ATP2C2: variants seen among roughly 807,000 people sequenced by gnomAD.
ATP2C2 encodes the protein calcium-transporting ATPase type 2C member 2.
A neutral mutation model predicts 110.8 loss-of-function variants in ATP2C2; 171 were observed. That is an observed-to-expected ratio of 1.54 (90% CI 1.36 to 1.75). ATP2C2 has a LOEUF of 1.75. Ranked by LOEUF, ATP2C2 falls within the 40% of genes most tolerant of loss-of-function variation. The pLI is 0.00. For missense variants in ATP2C2, 1,963 were observed against 1,235.0 expected (o/e 1.59, Z -8.84); for synonymous variants, 804 against 508.4 (o/e 1.58, Z -7.82).
At chr16:84,377,984 A>G (rs1910347659) in intron 1 of ATP2C2, among the ~76,000 whole-genome samples, 1 of 152,048 alleles carries the variant, frequency 6.6e-6, no homozygotes, top group African/African-American at 2.4e-5. Context: ...CCTATTGGAG[A>G]GAAGAGAGCT....
chr16:84,404,349 C>G (rs951832477), intron 2 of ATP2C2: 1 of 155,602 alleles, frequency 6.4e-6, no homozygotes, highest in Non-Finnish European at 1.4e-5. Context: ...TCCCCATTCC[C>G]TCTCCCTCCA....
chr16:84,372,211 T>C (rs1909993523), intron 1 of ATP2C2, among the ~76,000 whole-genome samples: 1 of 152,146 alleles, frequency 6.6e-6, no homozygotes, highest in African/African-American at 2.4e-5. Flanking sequence ...CACTCATTTA[T>C]TCCCAGATGG....
Position 84,448,576 on chromosome 16 carries a change from T to G in ATP2C2, c.1547T>G (p.Val516Gly). Residue 516 changes from valine (V) to glycine (G), a missense_variant, in exon 17 of 27, where the codon GTG (valine) becomes GGG (glycine). Transcript: ENST00000262429. ...IYFMKGALEE[V>G]IRYCTMYNNG... ...TTCATGAAAGGGGCCTTGGAAGAGG[T>G]GATCCGCTACTGCACCATGTACAAC... The G allele has an allele frequency of 6.2e-7, 1 of 1,613,648 alleles. No homozygotes were observed.
intron 11 of ATP2C2, among the ~76,000 whole-genome samples, chr16:84,426,450 C>G (rs765645020): frequency 1.1e-4 from 17 of 152,128 alleles, no homozygotes; most frequent in Non-Finnish European, 2.2e-4. Context: ...TTTCTTGTCA[C>G]TCTTTGCCTG....
At position 84,439,445 on chromosome 16, in the gene ATP2C2, G is replaced by C; in HGVS notation, c.1130G>C (p.Cys377Ser). The C allele has an allele frequency of 6.2e-7, 1 of 1,614,166 alleles. No individual in the cohort carries two copies. Among genetic ancestry groups the C allele is most frequent in the Non-Finnish European group, 8.5e-7 (1 of 1,180,028 alleles). The change falls in exon 13 of 27, where the codon TGT becomes TCT. Residue 377 changes from cysteine (C) to serine (S), a missense_variant. By Grantham distance (112) the Cys-to-Ser change is moderately radical. Transcript: ENST00000262429. ...VETLGCCSVL[C>S]SDKTGTLTAN... ...GTACCAGGTTGCTGCAGCGTTCTCTGTTCTGACAAGACGGGGACTCTGACT... is the reference window on the plus strand; with the variant it reads ...GTACCAGGTTGCTGCAGCGTTCTCTCTTCTGACAAGACGGGGACTCTGACT...
chr16:84,434,608 C>T (rs896093098), intron 11 of ATP2C2, among the ~76,000 whole-genome samples: 7 of 151,554 alleles, frequency 4.6e-5, no homozygotes, highest in African/African-American at 1.7e-4. Context: ...AGCTCCGCCT[C>T]CTGGGTTCAA....
chr16:84,459,233 G>A, intron 22 of ATP2C2, 37 bp from the exon 23 acceptor site: 1 of 1,614,144 alleles, frequency 6.2e-7, no homozygotes, highest in Non-Finnish European at 8.5e-7. Context: ...CACCACGCCT[G>A]GCGGGCGGCC....
At chr16:84,375,303 A>G (rs1336045122) in intron 1 of ATP2C2, among the ~76,000 whole-genome samples, 1 of 152,194 alleles carries the variant, frequency 6.6e-6, no homozygotes, top group Non-Finnish European at 1.5e-5. Context: ...GCACTTTGGG[A>G]GTCCCAGGTG....
At chr16:84,429,519 T>A (rs1413503664) in intron 11 of ATP2C2, among the ~76,000 whole-genome samples, 2 of 152,212 alleles carry the variant, frequency 1.3e-5, no homozygotes, top group African/African-American at 4.8e-5. Flanking sequence ...CTGCGTGATC[T>A]GTTCGTATCA....
chr16:84,398,434 T>A, intron 1 of ATP2C2, 65 bp from the exon 2 acceptor site: 1 of 985,226 alleles, frequency 1.0e-6, no homozygotes, highest in Non-Finnish European at 1.4e-6. Context: ...AAATAAAAAA[T>A]AAATTTAAAA....
At chr16:84,451,067 C>G (rs1344009934) in intron 17 of ATP2C2, among the ~76,000 whole-genome samples, 1 of 151,990 alleles carries the variant, frequency 6.6e-6, no homozygotes, top group Non-Finnish European at 1.5e-5. Flanking sequence ...AGGTAATTTA[C>G]AAAGAAAAAG....
intron 2 of ATP2C2, among the ~76,000 whole-genome samples, chr16:84,401,871 T>C (rs1905345620): frequency 6.6e-6 from 1 of 152,208 alleles, no homozygotes; most frequent in South Asian, 2.1e-4. Flanking sequence ...GTTAAGAATG[T>C]CATTGTTATT....
intron 1 of ATP2C2, among the ~76,000 whole-genome samples, chr16:84,384,169 C>T (rs1156566017): frequency 6.6e-6 from 1 of 152,230 alleles, no homozygotes; most frequent in Non-Finnish European, 1.5e-5. Context: ...ACATGACCAT[C>T]CAGTCCACAA....
Position 84,461,987 on chromosome 16 carries a change from G to A in ATP2C2, c.2581-1G>A. The A allele has an allele frequency of 1.2e-6, 2 of 1,613,354 alleles. No individual in the cohort carries two copies. Among genetic ancestry groups the A allele is most frequent in the South Asian group, 1.1e-5 (1 of 91,026 alleles). On this transcript the variant is annotated splice_acceptor_variant, in intron 25 of 26. Transcript: ENST00000262429. LOFTEE classifies it high-confidence loss of function. Reference sequence around the variant, plus strand: ...TCCCCCGTGTGACCTTCTCCCTGCAGACCAAGCTGATATTTGAGATCGGCT... The same window carrying A: ...TCCCCCGTGTGACCTTCTCCCTGCAAACCAAGCTGATATTTGAGATCGGCT...
chr16:84,455,968 G>C (rs999976509), intron 21 of ATP2C2, among the ~76,000 whole-genome samples: 1 of 113,766 alleles, frequency 8.8e-6, no homozygotes, highest in African/African-American at 3.4e-5. Context: ...TTGCATCCCA[G>C]GGATGAAGCC....
chr16:84,385,386 C>G (rs1333115890), intron 1 of ATP2C2, among the ~76,000 whole-genome samples: 1 of 152,136 alleles, frequency 6.6e-6, no homozygotes. Flanking sequence ...CCCACCAGGC[C>G]CACCTCCAAC....
chr16:84,411,246 G>C (rs1421447917), intron 6 of ATP2C2, among the ~76,000 whole-genome samples: 1 of 152,102 alleles, frequency 6.6e-6, no homozygotes, highest in Admixed American at 6.5e-5. Context: ...AGCTGCAACA[G>C]CCTCTTTCCT....
chr16:84,401,890 G>A (rs183989862), intron 2 of ATP2C2, among the ~76,000 whole-genome samples: 1 of 152,040 alleles, frequency 6.6e-6, no homozygotes, highest in African/African-American at 2.4e-5. Flanking sequence ...TTTTAATAGG[G>A]ATTCGATTAA....
intron 23 of ATP2C2, chr16:84,459,825 G>A (rs781191362): frequency 2.2e-6 from 1 of 452,456 alleles, no homozygotes; most frequent in African/African-American, 2.0e-5. Context: ...TAGAACATCA[G>A]TTTCATGGAG....
Sources: allele counts gnomAD v4.1 joint callset (sites outside exome capture counted in the v4.1 genomes callset), GRCh38; gene constraint gnomAD v4.1.1; transcripts MANE v1.5; gene names NCBI Gene and HGNC (gene_info 2026-07-23, HGNC 2026-07-21).